KREMEN1: variants seen among roughly 807,000 people sequenced by gnomAD.
The protein encoded by KREMEN1 is kringle containing transmembrane protein 1.
KREMEN1 carries 30 observed loss-of-function variants against 46.5 expected under a neutral mutation model. The ratio of observed to expected loss-of-function variants is 0.65; its 90% CI spans 0.48 to 0.88. The LOEUF (loss-of-function observed/expected upper bound fraction) is 0.88. Ranked by LOEUF, KREMEN1 falls within the 40% of genes least tolerant of loss-of-function variation. KREMEN1 has a pLI of 0.00. For missense variants in KREMEN1, 533 were observed against 596.9 expected (o/e 0.89, Z 1.11); for synonymous variants, 214 against 230.6 (o/e 0.93, Z 0.65).
At chr22:29,077,493 G>A (rs1339946875) in intron 1 of KREMEN1, among the ~76,000 whole-genome samples, 1 of 152,218 alleles carries the variant, frequency 6.6e-6, no homozygotes, top group Non-Finnish European at 1.5e-5. Context: ...GGGATAACAG[G>A]CATGCATCAC....
chr22:29,124,494 T>C (rs1183387906), intron 4 of KREMEN1, among the ~76,000 whole-genome samples: 2 of 142,978 alleles, frequency 1.4e-5, no homozygotes. Context: ...GCACAAATCT[T>C]TTTTTTTTTT....
chr22:29,114,878 T>A (rs764874969), intron 3 of KREMEN1, among the ~76,000 whole-genome samples: 9 of 152,230 alleles, frequency 5.9e-5, no homozygotes, highest in Non-Finnish European at 8.8e-5. Flanking sequence ...ATCTAATGCA[T>A]GTTAGAAAGG....
chr22:29,117,579 A>C (rs1030127450), intron 3 of KREMEN1, among the ~76,000 whole-genome samples: 19 of 152,134 alleles, frequency 1.2e-4, no homozygotes, highest in African/African-American at 3.1e-4. Context: ...AAAAAAAAAA[A>C]AATGCTATCT....
chr22:29,160,322 G>A (rs1302583338), intron 9 of KREMEN1, among the ~76,000 whole-genome samples: 3 of 151,798 alleles, frequency 2.0e-5, no homozygotes, highest in South Asian at 2.1e-4. Flanking sequence ...CTTGAGGTCA[G>A]GAGTTCGAGA....
In KREMEN1 at chr22:29,144,504, A is replaced by C; in HGVS notation, c.*2392A>C. On this transcript the variant is annotated 3_prime_UTR_variant, in exon 9 of 9. Coordinates refer to ENST00000400335, the MANE Select transcript of KREMEN1 (RefSeq NM_001039570.3). Reference sequence around the variant, plus strand: ...TGATCTGGAAAGAGCAGCTGTCCGCAGGCCTCTGTCTCCAAGAGGCCTGTC... The same window carrying C: ...TGATCTGGAAAGAGCAGCTGTCCGCCGGCCTCTGTCTCCAAGAGGCCTGTC... 1 of 985,504 alleles carries C rather than the reference A, an allele frequency of 1.0e-6. No homozygotes were observed. The highest frequency in any genetic ancestry group is 1.7e-5 in the African/African-American group (1 of 57,364). The allele number at this position is 985,504 out of a possible 1,614,324, so 61.0% of individuals were successfully genotyped here.
At chr22:29,166,452 G>A (rs2039053449) in intron 9 of KREMEN1, among the ~76,000 whole-genome samples, 1 of 152,182 alleles carries the variant, frequency 6.6e-6, no homozygotes, top group South Asian at 2.1e-4. Flanking sequence ...ACAGGCATGG[G>A]GAGGTCCCCC....
rs1395949514 is a variant in KREMEN1, at chr22:29,125,319, G to A, written c.534G>A (p.Trp178Ter). ...TCTGTGGAAACAATCCTGATTACTG[G>A]AAGTACGGGGAGGCAGCCAGTACCG... ...ACFCGNNPDY[W>*]KYGEAASTEC... Residue 178 changes from tryptophan to a stop codon, truncating the protein, a stop_gained, in exon 5 of 9, where the codon TGG (tryptophan) becomes TGA (stop). Coordinates refer to ENST00000400335, the MANE Select transcript of KREMEN1 (RefSeq NM_001039570.3). LOFTEE classifies it high-confidence loss of function. The A allele has an allele frequency of 6.2e-7, 1 of 1,614,162 alleles. No individual in the cohort carries two copies. The highest frequency in any genetic ancestry group is 8.5e-7 in the Non-Finnish European group (1 of 1,180,012).
At chr22:29,138,089 A>G (rs942838757) in intron 6 of KREMEN1, among the ~76,000 whole-genome samples, 1 of 152,242 alleles carries the variant, frequency 6.6e-6, no homozygotes, top group African/African-American at 2.4e-5. Flanking sequence ...CCCTGCTATG[A>G]TGGAGCCACA....
chr22:29,076,808 C>T (rs1056596117), intron 1 of KREMEN1, among the ~76,000 whole-genome samples: 1 of 152,296 alleles, frequency 6.6e-6, no homozygotes, highest in South Asian at 2.1e-4. Context: ...GTTGAGATCA[C>T]ACCATTGCAC....
At chr22:29,076,039 T>G (rs1271622249) in intron 1 of KREMEN1, among the ~76,000 whole-genome samples, 1 of 152,196 alleles carries the variant, frequency 6.6e-6, no homozygotes, top group Non-Finnish European at 1.5e-5. Flanking sequence ...TAGAAGGTAA[T>G]GGAATCTAGA....
Position 29,142,422 on chromosome 22 carries a change from A to C in KREMEN1, c.*310A>C. ...CAGGACAGTGAGGCTGAGATGACAG[A>C]GGTGGTCATGGCTGGCACAGGGCTC... On this transcript the variant is annotated 3_prime_UTR_variant, in exon 9 of 9. Coordinates refer to ENST00000400335, the MANE Select transcript of KREMEN1 (RefSeq NM_001039570.3). 2.8e-6 allele frequency: 3 copies of C among 1,077,818 alleles called. No homozygotes were observed. The highest frequency in any genetic ancestry group is 3.4e-6 in the Non-Finnish European group (3 of 890,248). The allele number at this position is 1,077,818 out of a possible 1,614,324, so 66.8% of individuals were successfully genotyped here.
chr22:29,085,865 G>A (rs936543532), intron 1 of KREMEN1, among the ~76,000 whole-genome samples: 5 of 151,944 alleles, frequency 3.3e-5, no homozygotes, highest in African/African-American at 1.2e-4. Flanking sequence ...CAGCTATGTG[G>A]GAGGCTGAGA....
At chr22:29,149,764 C>T (rs2038900771), downstream of KREMEN1, among the ~76,000 whole-genome samples, 1 of 152,118 alleles carries the variant, frequency 6.6e-6, no homozygotes, top group Admixed American at 6.5e-5. Context: ...CTCTGGGGAC[C>T]ACTGACCTTG....
At chr22:29,101,252 C>CAAAAA (rs368843166) in intron 3 of KREMEN1, among the ~76,000 whole-genome samples, 19 of 74,778 alleles carry the variant, frequency 2.5e-4, no homozygotes, top group East Asian at 1.5e-3. Context: ...AGTCTGTCTC[C>CAAAAA]AAAAAAAAAA....
At chr22:29,134,138 A>G (rs575802390) in intron 5 of KREMEN1, 1 of 151,104 alleles carries the variant, frequency 6.6e-6, no homozygotes, top group African/African-American at 2.5e-5. Context: ...TTCATCTCCA[A>G]TATTGTTTGA....
chr22:29,111,696 A>AAT (rs1569322405), intron 3 of KREMEN1: 1 of 151,430 alleles, frequency 6.6e-6, no homozygotes, highest in Non-Finnish European at 1.5e-5. Context: ...AAAAAAAAAA[A>AAT]GGAGCTCTGC....
intron 3 of KREMEN1, among the ~76,000 whole-genome samples, chr22:29,120,495 T>A (rs2038333266): frequency 2.3e-5 from 2 of 88,824 alleles, no homozygotes; most frequent in Non-Finnish European, 4.2e-5. Flanking sequence ...GAAGGAGAGG[T>A]GATAAAGGAA....
intron 3 of KREMEN1, among the ~76,000 whole-genome samples, chr22:29,119,506 C>T (rs1382987933): frequency 6.6e-6 from 1 of 152,204 alleles, no homozygotes; most frequent in Admixed American, 6.5e-5. Context: ...GACCACCCTC[C>T]ATCCTGAAGC....
Position 29,142,337 on chromosome 22 carries a change from A to G in KREMEN1, c.*225A>G. 1 of 1,237,174 alleles carries G rather than the reference A, an allele frequency of 8.1e-7. No homozygotes were observed. Among genetic ancestry groups the G allele is most frequent in the Non-Finnish European group, 1.0e-6 (1 of 989,988 alleles). The allele number at this position is 1,237,174 out of a possible 1,614,324, so 76.6% of individuals were successfully genotyped here. A position where few individuals can be genotyped will look rare whatever the true frequency, so the allele number is the denominator to read the frequency against. On this transcript the variant is annotated 3_prime_UTR_variant, in exon 9 of 9. Transcript: ENST00000400335. ...TCGATTGCACTTAGGAGAGAGACTCAAAGCCCTGGGGCCCGGCCCTCTCTG... is the reference window on the plus strand; with the variant it reads ...TCGATTGCACTTAGGAGAGAGACTCGAAGCCCTGGGGCCCGGCCCTCTCTG...
Sources: gnomAD v4.1 joint callset for allele counts (sites outside exome capture counted in the v4.1 genomes callset) on GRCh38, gnomAD v4.1.1 for gene constraint, MANE v1.5 for transcripts, NCBI Gene and HGNC (gene_info 2026-07-23, HGNC 2026-07-21) for gene names.